Variants in PRR16 observed in about 807,000 individuals in gnomAD.
The protein encoded by PRR16 is proline rich 16.
PRR16 carries 6 observed loss-of-function variants against 18.2 expected under a neutral mutation model. The ratio of observed to expected loss-of-function variants is 0.33; its 90% CI spans 0.18 to 0.65. The LOEUF (loss-of-function observed/expected upper bound fraction) is 0.65, where lower values mean the gene tolerates loss of function less well. Ranked by LOEUF, PRR16 falls within the 30% of genes least tolerant of loss-of-function variation. The pLI is 0.74. For synonymous variants in PRR16, 151 were observed against 147.8 expected (o/e 1.02, Z -0.16); for missense variants, 412 against 376.6 (o/e 1.09, Z -0.78).
chr5:120,578,403 C>G (rs985557680), intron 1 of PRR16, among the ~76,000 whole-genome samples: 1 of 152,066 alleles, frequency 6.6e-6, no homozygotes, highest in Non-Finnish European at 1.5e-5. Flanking sequence ...CCCTCAACCT[C>G]CACCCCCGAA....
At chr5:120,603,354 T>G in intron 1 of PRR16, among the ~76,000 whole-genome samples, 1 of 152,136 alleles carries the variant, frequency 6.6e-6, no homozygotes, top group East Asian at 1.9e-4. Context: ...TGCATTGAGG[T>G]GTTCATATTA....
At chr5:120,608,226 G>A (rs1754219593) in intron 1 of PRR16, among the ~76,000 whole-genome samples, 1 of 152,102 alleles carries the variant, frequency 6.6e-6, no homozygotes, top group Non-Finnish European at 1.5e-5. Context: ...GTAAAATTTT[G>A]CCTTCCCTGC....
At chr5:120,599,735 G>A (rs1017913532) in intron 1 of PRR16, among the ~76,000 whole-genome samples, 3 of 151,772 alleles carry the variant, frequency 2.0e-5, no homozygotes, top group Non-Finnish European at 4.4e-5. Context: ...CTAGTGATTA[G>A]TGGTTGCCTT....
At chr5:120,710,422 A>G in the PRR16 span, among the ~76,000 whole-genome samples, 1 of 152,204 alleles carries the variant, frequency 6.6e-6, no homozygotes, top group Non-Finnish European at 1.5e-5. Context: ...AAACATAGTC[A>G]TTATGGGGGC....
At chr5:120,677,030 A>C (rs1266527601) in intron 1 of PRR16, among the ~76,000 whole-genome samples, 1 of 152,214 alleles carries the variant, frequency 6.6e-6, no homozygotes, top group Non-Finnish European at 1.5e-5. Context: ...GTAGAATTCA[A>C]TATAATTTTA....
At position 120,672,786 on chromosome 5, in the gene PRR16, A is replaced by G. The variant is rs984682875; in HGVS notation, c.160-13168A>G. 2.0e-5 allele frequency among the ~76,000 whole-genome samples: 3 copies of G among 152,210 alleles called. No homozygotes were observed. The East Asian group carries it at 5.8e-4, about 29-fold the overall frequency. ...TCATACTTCACAAATACGAAAAGAGATTATAGATATTGAAAGCTATAAGCT... is the reference window on the plus strand; with the variant it reads ...TCATACTTCACAAATACGAAAAGAGGTTATAGATATTGAAAGCTATAAGCT... On this transcript the variant is annotated intron_variant, in intron 1 of 1. Transcript: ENST00000407149.
rs188865700 is a variant in PRR16, at chr5:120,679,301, T to C, written c.160-6653T>C. 2.8e-4 allele frequency among the ~76,000 whole-genome samples: 43 copies of C among 152,322 alleles called. No individual in the cohort carries two copies. The East Asian group carries it at 6.6e-3, about 23-fold the overall frequency. ...GTTTAGTTGTGGATGTTCCTAGATT[T>C]ATGATTGATGCCATGCTATCTTCTC... is the stretch of plus-strand genomic sequence containing the variant. On this transcript the variant is annotated intron_variant, in intron 1 of 1. Transcript: ENST00000407149.
the PRR16 span, among the ~76,000 whole-genome samples, chr5:120,755,735 G>C: frequency 6.6e-6 from 1 of 151,954 alleles, no homozygotes; most frequent in African/African-American, 2.4e-5. Context: ...TATTTCTTTT[G>C]GATACATACC....
At chr5:120,731,271 A>T in the PRR16 span, among the ~76,000 whole-genome samples, 1 of 152,282 alleles carries the variant, frequency 6.6e-6, no homozygotes, top group African/African-American at 2.4e-5. Context: ...GAATAGAGGG[A>T]ACAAGAATGG....
chr5:120,637,534 A>G (rs1002067024), intron 1 of PRR16, among the ~76,000 whole-genome samples: 6 of 152,110 alleles, frequency 3.9e-5, no homozygotes, highest in Admixed American at 6.6e-5. Flanking sequence ...CTATTATTCT[A>G]AGTGAAGTAA....
intron 1 of PRR16, among the ~76,000 whole-genome samples, chr5:120,519,003 C>T (rs1338869240): frequency 1.3e-5 from 2 of 152,188 alleles, no homozygotes; most frequent in Non-Finnish European, 2.9e-5. Flanking sequence ...TATGTCTTAA[C>T]TAATACAATC....
the PRR16 span, among the ~76,000 whole-genome samples, chr5:120,776,190 A>G: frequency 3.0e-4 from 45 of 152,222 alleles, no homozygotes; most frequent in African/African-American, 1.0e-3. Context: ...ACTTTGCCTC[A>G]GTGATTTTCC....
chr5:120,571,999 T>A (rs1314700749), intron 1 of PRR16, among the ~76,000 whole-genome samples: 1 of 152,122 alleles, frequency 6.6e-6, no homozygotes, highest in East Asian at 1.9e-4. Flanking sequence ...CTTCCCTGCA[T>A]GGTATCCAAA....
At chr5:120,737,620 C>G in the PRR16 span, among the ~76,000 whole-genome samples, 1 of 150,902 alleles carries the variant, frequency 6.6e-6, no homozygotes, top group African/African-American at 2.4e-5. Flanking sequence ...GAACTGCTCC[C>G]TCTCTTAGTT....
intron 1 of PRR16, among the ~76,000 whole-genome samples, chr5:120,483,377 C>T (rs1749685445): frequency 6.6e-6 from 1 of 152,084 alleles, no homozygotes; most frequent in Non-Finnish European, 1.5e-5. Flanking sequence ...TTGGCCAGAA[C>T]TTTACTATTT....
chr5:120,560,007 T>G (rs1752526904), intron 1 of PRR16, among the ~76,000 whole-genome samples: 1 of 151,972 alleles, frequency 6.6e-6, no homozygotes, highest in African/African-American at 2.4e-5. Flanking sequence ...CTTTACTGAA[T>G]TTGTTGATCA....
intron 1 of PRR16, among the ~76,000 whole-genome samples, chr5:120,548,629 C>T (rs1752150554): frequency 6.6e-6 from 1 of 151,990 alleles, no homozygotes; most frequent in South Asian, 2.1e-4. Flanking sequence ...ACTATTAGCC[C>T]TCAAGTTTTG....
At chr5:120,750,485 C>A in the PRR16 span, among the ~76,000 whole-genome samples, 1 of 151,752 alleles carries the variant, frequency 6.6e-6, no homozygotes, top group Non-Finnish European at 1.5e-5. Context: ...ATGGTGAAAT[C>A]CTGTCTCTAC....
the PRR16 span, among the ~76,000 whole-genome samples, chr5:120,754,552 ATATATAT>A: frequency 1.3e-5 from 1 of 74,342 alleles, no homozygotes; most frequent in African/African-American, 6.4e-5. Context: ...ATTATATATA[ATATATAT>A]TATATAATAT....
Sources: allele counts gnomAD v4.1 joint callset (sites outside exome capture counted in the v4.1 genomes callset), GRCh38; gene constraint gnomAD v4.1.1; transcripts MANE v1.5; gene names NCBI Gene and HGNC (gene_info 2026-07-23, HGNC 2026-07-21).